Variants in FHIP1A observed in about 807,000 individuals in gnomAD.
FHIP1A encodes the protein FHF complex subunit HOOK interacting protein 1A.
A neutral mutation model predicts 88.6 loss-of-function variants in FHIP1A; 61 were observed. The observed-to-expected ratio is 0.69, with a 90% CI of 0.56 to 0.85. The LOEUF (loss-of-function observed/expected upper bound fraction) is 0.85, where lower values mean the gene tolerates loss of function less well. Ranked by LOEUF, FHIP1A falls within the 40% of genes least tolerant of loss-of-function variation. The pLI is 0.00. For synonymous variants in FHIP1A, 478 were observed against 496.0 expected, an observed-to-expected ratio of 0.96 and a Z score of 0.48; for missense variants, 1,154 against 1,273.5, an observed-to-expected ratio of 0.91 and a Z score of 1.43.
chr4:151,614,105 G>T (rs1407517638), intron 7 of FHIP1A, among the ~76,000 whole-genome samples: 1 of 151,468 alleles, frequency 6.6e-6, no homozygotes, highest in Non-Finnish European at 1.5e-5. Context: ...GGAGGTTGCC[G>T]TGAGCTGAGA....
intron 3 of FHIP1A, among the ~76,000 whole-genome samples, chr4:151,540,125 T>C (rs772039685): frequency 3.9e-5 from 6 of 152,250 alleles, no homozygotes; most frequent in Admixed American, 3.9e-4. Context: ...ATAAATTTGC[T>C]TTTTTAAGTT....
chr4:151,517,712 A>G (rs978229444), intron 3 of FHIP1A, among the ~76,000 whole-genome samples: 1 of 152,086 alleles, frequency 6.6e-6, no homozygotes, highest in Non-Finnish European at 1.5e-5. Context: ...CCTTCTAGTG[A>G]TGTTCTGATG....
At chr4:151,489,113 G>A (rs962405483) in intron 3 of FHIP1A, among the ~76,000 whole-genome samples, 26 of 152,232 alleles carry the variant, frequency 1.7e-4, no homozygotes, top group African/African-American at 6.0e-4. Context: ...TTCCCAAGGT[G>A]TGAGAGGAGG....
intron 3 of FHIP1A, among the ~76,000 whole-genome samples, chr4:151,535,523 A>G (rs1732036258): frequency 6.6e-6 from 1 of 152,212 alleles, no homozygotes; most frequent in Non-Finnish European, 1.5e-5. Context: ...TACACTATAT[A>G]TACATATCTA....
Position 151,566,430 on chromosome 4 carries a change from C to T in FHIP1A, c.105+66C>T. On this transcript the variant is annotated intron_variant, in intron 4 of 13. Transcript: ENST00000435205. ...CCCAGGGGCCTCCATCACACTGAATCAGGGTTTTCTACCTCTGTGATAGGT... is the reference window on the plus strand; with the variant it reads ...CCCAGGGGCCTCCATCACACTGAATTAGGGTTTTCTACCTCTGTGATAGGT... 3 of 874,710 alleles carry T rather than the reference C, an allele frequency of 3.4e-6. No individual in the cohort carries two copies. The South Asian group carries it at 4.5e-5, about 13-fold the overall frequency. The allele number at this position is 874,710 out of a possible 1,614,324, so 54.2% of individuals were successfully genotyped here.
At chr4:151,414,816 C>G (rs1435620710) in intron 1 of FHIP1A, among the ~76,000 whole-genome samples, 1 of 152,124 alleles carries the variant, frequency 6.6e-6, no homozygotes, top group Non-Finnish European at 1.5e-5. Context: ...TACTTCCTTT[C>G]CAATTATATC....
chr4:151,596,000 T>C (rs1324850551), intron 7 of FHIP1A, among the ~76,000 whole-genome samples: 2 of 152,244 alleles, frequency 1.3e-5, no homozygotes, highest in Admixed American at 6.5e-5. Context: ...TGTCTTTTAA[T>C]TGGGAGCATT....
chr4:151,563,728 G>A (rs1158539748), intron 3 of FHIP1A, among the ~76,000 whole-genome samples: 4 of 152,258 alleles, frequency 2.6e-5, no homozygotes, highest in Non-Finnish European at 4.4e-5. Context: ...GGTGGCTCAT[G>A]CCTGTAATCC....
intron 4 of FHIP1A, among the ~76,000 whole-genome samples, chr4:151,568,528 A>T (rs1733475699): frequency 6.6e-6 from 1 of 152,188 alleles, no homozygotes; most frequent in South Asian, 2.1e-4. Context: ...AATCTATGTG[A>T]ATGTAAAAGT....
chr4:151,530,088 T>C (rs768564598), intron 3 of FHIP1A, among the ~76,000 whole-genome samples: 8 of 152,162 alleles, frequency 5.3e-5, no homozygotes, highest in Non-Finnish European at 8.8e-5. Flanking sequence ...AAATAAGTCG[T>C]TCGAACTCAA....
intron 7 of FHIP1A, among the ~76,000 whole-genome samples, chr4:151,625,514 C>T (rs1735919633): frequency 6.6e-6 from 1 of 152,192 alleles, no homozygotes; most frequent in African/African-American, 2.4e-5. Context: ...CAAATGGGAT[C>T]GCCTGACTAG....
At chr4:151,478,081 A>C (rs1465298063) in intron 2 of FHIP1A, among the ~76,000 whole-genome samples, 1 of 152,188 alleles carries the variant, frequency 6.6e-6, no homozygotes, top group African/African-American at 2.4e-5. Context: ...AGTAGTGTTT[A>C]TAATGGCTAA....
chr4:151,453,197 G>A (rs1728856124), intron 1 of FHIP1A, among the ~76,000 whole-genome samples: 1 of 151,944 alleles, frequency 6.6e-6, no homozygotes, highest in Admixed American at 6.6e-5. Flanking sequence ...TGTATTTTTA[G>A]TAGAGATAGT....
At chr4:151,593,746 C>G (rs1652934166) in intron 7 of FHIP1A, among the ~76,000 whole-genome samples, 1 of 152,138 alleles carries the variant, frequency 6.6e-6, no homozygotes, top group African/African-American at 2.4e-5. Flanking sequence ...TTTGAATACC[C>G]TTTATTTCTT....
rs570961614 is a variant in FHIP1A, at chr4:151,667,930, G to A, written c.*5176G>A. 5.9e-5 allele frequency among the ~76,000 whole-genome samples: 9 copies of A among 152,270 alleles called. No individual in the cohort carries two copies. In the East Asian group the frequency reaches 1.5e-3, roughly 26 times the overall value. Reference sequence around the variant, plus strand: ...TAGGCCAGATTAAATTTCATGGAACGGAGGCTGCAGAAGTCTGTGCTGCTT... The same window carrying A: ...TAGGCCAGATTAAATTTCATGGAACAGAGGCTGCAGAAGTCTGTGCTGCTT... On this transcript the variant is annotated 3_prime_UTR_variant, in exon 14 of 14. Transcript: ENST00000435205.
chr4:151,509,084 C>T (rs1421858056), intron 3 of FHIP1A, among the ~76,000 whole-genome samples: 2 of 152,070 alleles, frequency 1.3e-5, no homozygotes, highest in African/African-American at 2.4e-5. Flanking sequence ...AAATATTACT[C>T]GAGGAGAGTA....
At chr4:151,443,796 G>T (rs1221284712) in intron 1 of FHIP1A, among the ~76,000 whole-genome samples, 1 of 151,022 alleles carries the variant, frequency 6.6e-6, no homozygotes, top group East Asian at 2.0e-4. Context: ...TTACTCTGAG[G>T]TATCAGAATT....
intron 3 of FHIP1A, among the ~76,000 whole-genome samples, chr4:151,529,379 G>A (rs1222152608): frequency 6.6e-6 from 1 of 152,158 alleles, no homozygotes; most frequent in Non-Finnish European, 1.5e-5. Context: ...TTGTGTCTCA[G>A]ATTTACCTGC....
chr4:151,450,481 AT>A (rs952100227), intron 1 of FHIP1A, among the ~76,000 whole-genome samples: 3 of 152,010 alleles, frequency 2.0e-5, no homozygotes, highest in Non-Finnish European at 4.4e-5. Context: ...GTAAATTTGG[AT>A]TGTGTATTTG....
Sources: allele counts gnomAD v4.1 joint callset (sites outside exome capture counted in the v4.1 genomes callset), GRCh38; gene constraint gnomAD v4.1.1; transcripts MANE v1.5; gene names NCBI Gene and HGNC (gene_info 2026-07-23, HGNC 2026-07-21).